ZNF148: variants seen among roughly 807,000 people sequenced by gnomAD.
The protein encoded by ZNF148 is zinc finger protein 148.
A neutral mutation model predicts 67.7 loss-of-function variants in ZNF148; 7 were observed. The observed-to-expected ratio is 0.10, with a 90% CI of 0.06 to 0.19. ZNF148 has a LOEUF of 0.19. Among genes scored for constraint, ZNF148 ranks in the 10% least tolerant of loss-of-function variants. ZNF148 has a pLI of 1.00. For synonymous variants in ZNF148, 333 were observed against 330.7 expected (o/e 1.01, Z -0.08); for missense variants, 583 against 947.1 (o/e 0.62, Z 5.05).
chr3:125,239,664 C>T (rs1374720542), intron 7 of ZNF148, among the ~76,000 whole-genome samples: 2 of 151,984 alleles, frequency 1.3e-5, no homozygotes, highest in East Asian at 3.9e-4. Context: ...AAGCACATAC[C>T]CAAGACAACT....
chr3:125,353,372 G>C (rs955588479), intron 1 of ZNF148, among the ~76,000 whole-genome samples: 2 of 152,064 alleles, frequency 1.3e-5, no homozygotes, highest in African/African-American at 4.8e-5. Context: ...CTTGGTGGTA[G>C]TTACATGAAT....
At chr3:125,332,221 T>C (rs1022129589) in intron 1 of ZNF148, among the ~76,000 whole-genome samples, 14 of 152,196 alleles carry the variant, frequency 9.2e-5, no homozygotes, top group Admixed American at 2.0e-4. Flanking sequence ...AGCTTTGTTA[T>C]TGAGGTAGTT....
At chr3:125,285,355 G>A (rs1404112623) in intron 5 of ZNF148, among the ~76,000 whole-genome samples, 3 of 151,994 alleles carry the variant, frequency 2.0e-5, no homozygotes, top group Non-Finnish European at 4.4e-5. Context: ...AAGTTCTGAA[G>A]CATAAATTTT....
At chr3:125,254,946 A>AT (rs2107556515) in intron 7 of ZNF148, among the ~76,000 whole-genome samples, 1 of 151,836 alleles carries the variant, frequency 6.6e-6, no homozygotes, top group East Asian at 1.9e-4. Flanking sequence ...TCAAGTATTT[A>AT]TTTTTCCATT....
chr3:125,374,465 T>C (rs1236746303), intron 1 of ZNF148, among the ~76,000 whole-genome samples: 2 of 152,092 alleles, frequency 1.3e-5, no homozygotes, highest in Non-Finnish European at 2.9e-5. Context: ...GCTTCAGTTC[T>C]TTCCATAATG....
In ZNF148 at chr3:125,337,016, C is replaced by CAA. The variant is rs1296364662; in HGVS notation, c.-233-5780_-233-5779dup. Among the ~76,000 whole-genome samples the CAA allele has an allele frequency of 5.9e-3, 684 of 115,298 alleles. 3 individuals are homozygous for CAA. Among genetic ancestry groups the CAA allele is most frequent in the African/African-American group, 0.012 (397 of 32,082 alleles). 75.6% of individuals were successfully genotyped at this position (115,298 alleles called of 152,430 possible). ...AAGCCATTTTCCATTTCTACTCTCA[C>CAA]AAAAAAAAAAAAAAAAAATCAAGCC... On this transcript the variant is annotated intron_variant, in intron 1 of 8. Coordinates refer to ENST00000360647, the MANE Select transcript of ZNF148 (RefSeq NM_021964.3).
intron 7 of ZNF148, among the ~76,000 whole-genome samples, chr3:125,263,407 CG>C (rs1321174677): frequency 6.6e-6 from 1 of 151,980 alleles, no homozygotes; most frequent in East Asian, 1.9e-4. Context: ...AAAAATTAGC[CG>C]GGTGTGGTGG....
At chr3:125,355,696 G>T (rs1445743629) in intron 1 of ZNF148, among the ~76,000 whole-genome samples, 1 of 149,760 alleles carries the variant, frequency 6.7e-6, no homozygotes, top group Non-Finnish European at 1.5e-5. Flanking sequence ...AGACCAGGCT[G>T]CTCAACACAG....
rs1942322568 is a variant in ZNF148, at chr3:125,355,826, G to A, written c.-234+19276C>T. Among the ~76,000 whole-genome samples, 2 of 152,142 alleles carry A rather than the reference G, an allele frequency of 1.3e-5. 1 individual carries two copies. Among genetic ancestry groups the A allele is most frequent in the Admixed American group, 1.3e-4 (2 of 15,278 alleles). ...TTAAATATTGTTGTGTGTGGCTAAT[G>A]TAGTAACAATGAGAATAAAAGTATA... On this transcript the variant is annotated intron_variant, in intron 1 of 8. Transcript: ENST00000360647.
chr3:125,321,326 T>C (rs1451445523), intron 3 of ZNF148, among the ~76,000 whole-genome samples: 1 of 152,162 alleles, frequency 6.6e-6, no homozygotes. Context: ...TTTCAATAGC[T>C]GCTAACACAA....
At chr3:125,240,563 G>A (rs555398627) in intron 7 of ZNF148, among the ~76,000 whole-genome samples, 1 of 152,016 alleles carries the variant, frequency 6.6e-6, no homozygotes, top group Non-Finnish European at 1.5e-5. Context: ...TAGAAGTTCA[G>A]GACCAGTCTG....
intron 1 of ZNF148, among the ~76,000 whole-genome samples, chr3:125,341,316 TAAA>T (rs35673839): frequency 7.4e-6 from 1 of 134,706 alleles, no homozygotes; most frequent in Non-Finnish European, 1.6e-5. Flanking sequence ...CAGAAAAATT[TAAA>T]AAAAAAAAAA....
rs575869389 is a variant in ZNF148 at position 125,330,270 on chromosome 3, G to A, written c.-153+888C>T. Among the ~76,000 whole-genome samples the A allele has an allele frequency of 1.1e-4, 16 of 152,078 alleles. No individual in the cohort carries two copies. The South Asian group carries it at 1.5e-3, about 14-fold the overall frequency. ...GCTTGAGCTCAGGAGTTCAAGACCC[G>A]CCTGGGCAACATGGCAAAACCCTAT... On this transcript the variant is annotated intron_variant, in intron 2 of 8. Coordinates refer to ENST00000360647, the MANE Select transcript of ZNF148 (RefSeq NM_021964.3).
Position 125,232,342 on chromosome 3 carries a change from TAGCCA to T in ZNF148, c.2379_2383del (p.Phe793LeufsTer9). On this transcript the variant is annotated frameshift_variant and stop_lost, in exon 9 of 9. Coordinates refer to ENST00000360647, the MANE Select transcript of ZNF148 (RefSeq NM_021964.3). LOFTEE classifies it high-confidence loss of function. The surrounding 1 kb of genome is among the most constrained non-coding windows in gnomAD (Gnocchi z 4.2). ...ATTATTTACACTTTTTTTTTTTTTT[TAGCCA>T]AAAGTCTGGCCAGTTGTGGCATCAG... is the stretch of plus-strand genomic sequence containing the variant. The T allele has an allele frequency of 1.9e-6, 3 of 1,545,712 alleles. No homozygotes were observed. Among genetic ancestry groups the T allele is most frequent in the African/African-American group, 2.9e-5 (2 of 67,902 alleles).
At position 125,233,063 on chromosome 3, in the gene ZNF148, G is replaced by C; in HGVS notation, c.1663C>G (p.Gln555Glu). ...LDHYSHKANG[Q>E]HEISFSVADT... is the part of the protein sequence containing the mutation. ...GCAACACTGAAGGATATCTCATGCTGTCCATTAGCTTTGTGGGAATAATGA... is the reference window on the plus strand; with the variant it reads ...GCAACACTGAAGGATATCTCATGCTCTCCATTAGCTTTGTGGGAATAATGA... The change falls in exon 9 of 9, where the codon CAG becomes GAG. Residue 555 changes from glutamine (Q) to glutamate (E), a missense_variant. By Grantham distance (29) the Gln-to-Glu change is conservative. Transcript: ENST00000360647. The surrounding 1 kb of genome is among the most constrained non-coding windows in gnomAD (Gnocchi z 5.1). 6.2e-7 allele frequency: 1 copy of C among 1,613,434 alleles called. No individual in the cohort carries two copies. The highest frequency in any genetic ancestry group is 8.5e-7 in the Non-Finnish European group (1 of 1,179,844).
At chr3:125,374,756 C>A (rs1406375083) in intron 1 of ZNF148, among the ~76,000 whole-genome samples, 2 of 152,130 alleles carry the variant, frequency 1.3e-5, no homozygotes, top group Non-Finnish European at 2.9e-5. Context: ...CTAGCCTTTT[C>A]ACACCCACAC....
intron 4 of ZNF148, among the ~76,000 whole-genome samples, chr3:125,289,831 T>C (rs956330992): frequency 6.6e-5 from 10 of 152,204 alleles, no homozygotes; most frequent in African/African-American, 2.4e-4. Context: ...AGTTCTGCTG[T>C]TAACTGCCAT....
chr3:125,251,151 C>G (rs1220033359), intron 7 of ZNF148, among the ~76,000 whole-genome samples: 1 of 152,154 alleles, frequency 6.6e-6, no homozygotes, highest in Non-Finnish European at 1.5e-5. Flanking sequence ...ACTCACGTAA[C>G]CAGCACTCAT....
At chr3:125,258,404 G>A in intron 7 of ZNF148, among the ~76,000 whole-genome samples, 1 of 113,132 alleles carries the variant, frequency 8.8e-6, no homozygotes, top group East Asian at 2.7e-4. Flanking sequence ...CAGCCTGGGA[G>A]ACAGTGAGAC....
Sources: gnomAD v4.1 joint callset for allele counts (sites outside exome capture counted in the v4.1 genomes callset) on GRCh38, gnomAD v4.1.1 for gene constraint, Gnocchi (gnomAD v3.1) non-coding constraint, MANE v1.5 for transcripts, NCBI Gene and HGNC (gene_info 2026-07-23, HGNC 2026-07-21) for gene names.